PCDH11Y: variants seen among roughly 807,000 people sequenced by gnomAD.
PCDH11Y encodes the protein protocadherin 11 Y-linked.
For missense variants in PCDH11Y, 12 were observed against 224.8 expected, an observed-to-expected ratio of 0.05 and a Z score of 6.05; for synonymous variants, 9 against 83.6, an observed-to-expected ratio of 0.11 and a Z score of 4.87.
chrY:5,441,587 G>A (rs2053282464), intron 2 of PCDH11Y, among the ~76,000 whole-genome samples: 1 of 33,182 alleles, frequency 3.0e-5, no homozygotes, highest in Non-Finnish European at 7.5e-5. Context: ...ATTTTAAAAA[G>A]ACTCATAAAA....
chrY:5,329,893 G>T, intron 2 of PCDH11Y, among the ~76,000 whole-genome samples: 1 of 33,193 alleles, frequency 3.0e-5, no homozygotes, highest in Non-Finnish European at 7.4e-5. Context: ...TGAGGTCATA[G>T]GTGGATCTCA....
intron 2 of PCDH11Y, among the ~76,000 whole-genome samples, chrY:5,424,444 T>C: frequency 6.0e-5 from 2 of 33,543 alleles, no homozygotes; most frequent in Admixed American, 5.5e-4. Context: ...CTTTGTTACC[T>C]GATTCTAAAC....
intron 2 of PCDH11Y, among the ~76,000 whole-genome samples, chrY:5,174,159 T>G: frequency 1.2e-4 from 3 of 24,984 alleles, no homozygotes; most frequent in African/African-American, 4.5e-4. Context: ...TATATATATA[T>G]ATATATATAT....
At chrY:5,088,673 C>A in intron 1 of PCDH11Y, among the ~76,000 whole-genome samples, 3 of 33,088 alleles carry the variant, frequency 9.1e-5, no homozygotes, top group Non-Finnish European at 1.5e-4. Context: ...CAACTTGATA[C>A]CAAACATAAC....
intron 2 of PCDH11Y, among the ~76,000 whole-genome samples, chrY:5,351,851 G>A: frequency 6.7e-5 from 2 of 29,869 alleles, no homozygotes; most frequent in Non-Finnish European, 1.6e-4. Flanking sequence ...GTCATTTATT[G>A]GTGTTTTCAT....
At chrY:5,035,829 C>T in intron 3 of PCDH11Y, among the ~76,000 whole-genome samples, 1 of 31,523 alleles carries the variant, frequency 3.2e-5, no homozygotes, top group Non-Finnish European at 7.8e-5. Context: ...CAAAATATTA[C>T]CAAACATACC....
intron 1 of PCDH11Y, among the ~76,000 whole-genome samples, chrY:5,029,667 GT>G (rs2052585511): frequency 3.7e-5 from 1 of 27,348 alleles, no homozygotes; most frequent in Non-Finnish European, 8.5e-5. Flanking sequence ...GCTCATGCTT[GT>G]AATCCCAGCA....
intron 2 of PCDH11Y, among the ~76,000 whole-genome samples, chrY:5,386,169 T>G: frequency 6.0e-5 from 2 of 33,555 alleles, no homozygotes; most frequent in Non-Finnish European, 1.5e-4. Flanking sequence ...TTTAAAGAAG[T>G]TAAAGATAGG....
chrY:5,117,600 C>T, intron 2 of PCDH11Y, among the ~76,000 whole-genome samples: 1 of 32,048 alleles, frequency 3.1e-5, no homozygotes, highest in Non-Finnish European at 7.6e-5. Context: ...TTTCATCAAC[C>T]TACATATTTA....
intron 4 of PCDH11Y, among the ~76,000 whole-genome samples, chrY:5,641,668 T>C (rs2053523145): frequency 3.1e-5 from 1 of 32,330 alleles, no homozygotes; most frequent in African/African-American, 1.2e-4. Context: ...ATAACAGATA[T>C]AATAATAATG....
At chrY:5,220,805 C>T (rs2052953668) in intron 2 of PCDH11Y, among the ~76,000 whole-genome samples, 1 of 25,528 alleles carries the variant, frequency 3.9e-5, no homozygotes, top group Non-Finnish European at 9.0e-5. Flanking sequence ...CAATCTCCGC[C>T]TCCCCGGTTC....
intron 4 of PCDH11Y, among the ~76,000 whole-genome samples, chrY:5,584,373 T>A: frequency 3.1e-5 from 1 of 31,750 alleles, no homozygotes; most frequent in Non-Finnish European, 7.7e-5. Context: ...TCATCAGTGA[T>A]ATTGGCCTGT....
chrY:5,620,158 G>C, intron 4 of PCDH11Y, among the ~76,000 whole-genome samples: 1 of 32,150 alleles, frequency 3.1e-5, no homozygotes, highest in Non-Finnish European at 7.6e-5. Context: ...CTACTATCTA[G>C]ACTCATAAAG....
chrY:5,123,849 G>A, intron 2 of PCDH11Y, among the ~76,000 whole-genome samples: 2 of 33,152 alleles, frequency 6.0e-5, no homozygotes, highest in Non-Finnish European at 1.5e-4. Flanking sequence ...AAGATAAAAC[G>A]TAAAGACAAA....
intron 2 of PCDH11Y, among the ~76,000 whole-genome samples, chrY:5,382,522 C>T (rs1602915890): frequency 1.2e-4 from 4 of 32,986 alleles, no homozygotes; most frequent in African/African-American, 3.5e-4. Context: ...TTTTAAAGCA[C>T]GTCAGGGATA....
chrY:5,661,310 A>G (rs2053541056), intron 4 of PCDH11Y, among the ~76,000 whole-genome samples: 21 of 33,755 alleles, frequency 6.2e-4, no homozygotes, highest in African/African-American at 2.4e-3. Flanking sequence ...ATATAATTAT[A>G]TTTTATAGCA....
At chrY:5,237,118 C>G in intron 2 of PCDH11Y, among the ~76,000 whole-genome samples, 1 of 33,253 alleles carries the variant, frequency 3.0e-5, no homozygotes, top group African/African-American at 1.2e-4. Flanking sequence ...TATATTTGAA[C>G]AGATCTAAGT....
chrY:5,289,271 T>C (rs2053064418), intron 2 of PCDH11Y, among the ~76,000 whole-genome samples: 1 of 33,400 alleles, frequency 3.0e-5, no homozygotes. Flanking sequence ...TATAGATTTA[T>C]GATTTTATTA....
intron 2 of PCDH11Y, among the ~76,000 whole-genome samples, chrY:5,384,213 G>C: frequency 3.1e-5 from 1 of 32,360 alleles, no homozygotes; most frequent in Non-Finnish European, 7.5e-5. Context: ...ATCATATGTA[G>C]GTAGAATCTC....
Sources: gnomAD v4.1 joint callset for allele counts (sites outside exome capture counted in the v4.1 genomes callset) on GRCh38, gnomAD v4.1.1 for gene constraint, MANE v1.5 for transcripts, NCBI Gene and HGNC (gene_info 2026-07-23, HGNC 2026-07-21) for gene names.